Variants in SNTG1 observed in about 807,000 individuals in gnomAD.
SNTG1 encodes gamma-1-syntrophin.
A neutral mutation model predicts 74.7 loss-of-function variants in SNTG1; 39 were observed. The ratio of observed to expected loss-of-function variants is 0.52; its 90% CI spans 0.40 to 0.68. The LOEUF is 0.68. Ranked by LOEUF, SNTG1 falls within the 30% of genes least tolerant of loss-of-function variation. The pLI, the probability that SNTG1 is intolerant of heterozygous loss-of-function variation, is 0.00. For synonymous variants in SNTG1, 254 were observed against 217.1 expected (o/e 1.17, Z -1.49); for missense variants, 685 against 609.5 (o/e 1.12, Z -1.30).
At chr8:50,376,434 T>A (rs1271226246) in intron 2 of SNTG1, among the ~76,000 whole-genome samples, 1 of 151,850 alleles carries the variant, frequency 6.6e-6, no homozygotes, top group Middle Eastern at 3.4e-3. Flanking sequence ...TGAAAAAAAA[T>A]ATTACATCTG....
intron 2 of SNTG1, among the ~76,000 whole-genome samples, chr8:50,215,267 T>C (rs955697714): frequency 6.6e-6 from 1 of 151,820 alleles, no homozygotes; most frequent in Non-Finnish European, 1.5e-5. Context: ...TTTTTTATAA[T>C]AAAAGTTAAA....
At chr8:50,431,022 C>T (rs926612984) in intron 4 of SNTG1, among the ~76,000 whole-genome samples, 2 of 152,196 alleles carry the variant, frequency 1.3e-5, no homozygotes, top group African/African-American at 4.8e-5. Flanking sequence ...TGCCTTACTT[C>T]ATTTCCACAG....
chr8:50,053,202 A>T (rs1386725708), intron 1 of SNTG1, among the ~76,000 whole-genome samples: 1 of 152,158 alleles, frequency 6.6e-6, no homozygotes, highest in Non-Finnish European at 1.5e-5. Context: ...TGATGAATGG[A>T]TGAACAAAAT....
chr8:50,013,269 A>G (rs1170144716), intron 1 of SNTG1, among the ~76,000 whole-genome samples: 1 of 152,144 alleles, frequency 6.6e-6, no homozygotes, highest in Non-Finnish European at 1.5e-5. Context: ...AAGACTGCAA[A>G]GATTAAGAAG....
chr8:50,491,863 G>C (rs2093857870), intron 8 of SNTG1, among the ~76,000 whole-genome samples: 1 of 146,232 alleles, frequency 6.8e-6, no homozygotes, highest in African/African-American at 2.6e-5. Flanking sequence ...TTCTCCTAAT[G>C]CTATTCCTCC....
chr8:50,005,003 G>A (rs1030506748), intron 1 of SNTG1, among the ~76,000 whole-genome samples: 21 of 151,980 alleles, frequency 1.4e-4, no homozygotes, highest in Admixed American at 1.3e-3. Context: ...GGCCTTTTCC[G>A]CGAGCCAGAT....
chr8:50,513,898 G>A (rs189235419), intron 9 of SNTG1, among the ~76,000 whole-genome samples: 79 of 152,122 alleles, frequency 5.2e-4, no homozygotes, highest in South Asian at 8.3e-4. Flanking sequence ...TTCAGCTCAC[G>A]CTCAGTGCAC....
At chr8:50,154,575 A>G (rs1259007418) in intron 1 of SNTG1, among the ~76,000 whole-genome samples, 2 of 152,194 alleles carry the variant, frequency 1.3e-5, no homozygotes, top group Non-Finnish European at 2.9e-5. Context: ...GGTATATGTT[A>G]CCAGAAATAA....
intron 2 of SNTG1, among the ~76,000 whole-genome samples, chr8:50,268,008 G>T (rs539651382): frequency 3.3e-5 from 5 of 152,208 alleles, no homozygotes; most frequent in Middle Eastern, 3.4e-3. Flanking sequence ...TGACTATATA[G>T]AATATTTCAG....
chr8:49,994,005 C>T (rs1813941880), intron 1 of SNTG1, among the ~76,000 whole-genome samples: 1 of 152,064 alleles, frequency 6.6e-6, no homozygotes, highest in Non-Finnish European at 1.5e-5. Flanking sequence ...TACCTTTAAC[C>T]TTCTAGTCCC....
At chr8:50,195,007 A>G (rs1449677845) in intron 2 of SNTG1, among the ~76,000 whole-genome samples, 1 of 152,100 alleles carries the variant, frequency 6.6e-6, no homozygotes, top group African/African-American at 2.4e-5. Flanking sequence ...AGAACTCACA[A>G]GATTATATGC....
At chr8:50,625,513 A>T (rs1225998045) in intron 13 of SNTG1, among the ~76,000 whole-genome samples, 2 of 152,338 alleles carry the variant, frequency 1.3e-5, no homozygotes, top group East Asian at 3.9e-4. Flanking sequence ...AATTTTTGTC[A>T]ACTAAAAATC....
intron 15 of SNTG1, among the ~76,000 whole-genome samples, chr8:50,672,446 A>AT (rs1029225905): frequency 2.6e-4 from 40 of 151,716 alleles, no homozygotes; most frequent in African/African-American, 8.9e-4. Context: ...GATCTTGAGT[A>AT]TTTTTTTTCA....
chr8:50,131,083 G>A (rs1238826104), intron 1 of SNTG1, among the ~76,000 whole-genome samples: 1 of 151,674 alleles, frequency 6.6e-6, no homozygotes, highest in Non-Finnish European at 1.5e-5. Context: ...AAAACACAGA[G>A]AAAAAGCAGA....
At chr8:50,758,499 T>C (rs1003259160) in intron 18 of SNTG1, among the ~76,000 whole-genome samples, 8 of 151,844 alleles carry the variant, frequency 5.3e-5, no homozygotes, top group African/African-American at 1.9e-4. Context: ...CAAGCTCCAG[T>C]GTGTGTTGTC....
chr8:50,512,092 C>G (rs922008942), intron 9 of SNTG1, among the ~76,000 whole-genome samples: 1 of 152,056 alleles, frequency 6.6e-6, no homozygotes, highest in Non-Finnish European at 1.5e-5. Context: ...CCTTCAGGAG[C>G]TCTTTTAGTG....
rs1484840771 is a variant in SNTG1, at chr8:50,536,698, G to C, written c.570G>C (p.Ser190=). ...PNNTDTLSCS[S]WPTSPGLRWE... ...TTCAGGACACATTATCATGCTCGTC[G>C]TGGCCGACGTCTCCAGGCTTGAGGT... The change falls in exon 11 of 19, where the codon TCG becomes TCC. Residue 190 remains serine, a synonymous_variant. Transcript: ENST00000642720. 2 of 1,613,798 alleles carry C rather than the reference G, an allele frequency of 1.2e-6. No individual in the cohort carries two copies. The highest frequency in any genetic ancestry group is 1.7e-6 in the Non-Finnish European group (2 of 1,179,766).
chr8:50,277,836 C>T (rs937975356), intron 2 of SNTG1, among the ~76,000 whole-genome samples: 4 of 151,574 alleles, frequency 2.6e-5, no homozygotes, highest in Non-Finnish European at 4.4e-5. Context: ...TTAATTATAC[C>T]GTATTAATTT....
At chr8:49,929,519 C>A (rs1211108528) in intron 1 of SNTG1, among the ~76,000 whole-genome samples, 1 of 152,172 alleles carries the variant, frequency 6.6e-6, no homozygotes, top group African/African-American at 2.4e-5. Flanking sequence ...ATCTGTGCAT[C>A]CCACTCAGGG....
Sources: allele counts gnomAD v4.1 joint callset (sites outside exome capture counted in the v4.1 genomes callset), GRCh38; gene constraint gnomAD v4.1.1; transcripts MANE v1.5; gene names NCBI Gene and HGNC (gene_info 2026-07-23, HGNC 2026-07-21).